Variants in ATP2B4 observed in about 807,000 individuals in gnomAD.
The protein encoded by ATP2B4 is plasma membrane calcium-transporting ATPase 4.
In ATP2B4, 39 loss-of-function variants were observed where a neutral mutation model predicts 110.3. That is an observed-to-expected ratio of 0.35 (90% CI 0.27 to 0.46). ATP2B4 has a LOEUF of 0.46. Ranked by LOEUF, ATP2B4 falls within the 20% of genes least tolerant of loss-of-function variation. ATP2B4 has a pLI of 1.00. For synonymous variants in ATP2B4, 538 were observed against 571.7 expected, an observed-to-expected ratio of 0.94 and a Z score of 0.84; for missense variants, 1,135 against 1,530.9, an observed-to-expected ratio of 0.74 and a Z score of 4.32.
intron 6 of ATP2B4, among the ~76,000 whole-genome samples, chr1:203,701,638 C>G (rs1334529542): frequency 6.6e-6 from 1 of 152,190 alleles, no homozygotes; most frequent in Non-Finnish European, 1.5e-5. Flanking sequence ...TCTGCAGCTG[C>G]CTGCAGATGA....
At chr1:203,686,856 G>T (rs1665208008) in intron 2 of ATP2B4, among the ~76,000 whole-genome samples, 1 of 151,566 alleles carries the variant, frequency 6.6e-6, no homozygotes, top group South Asian at 2.1e-4. Context: ...ACCACTCCCA[G>T]CTAGTTTTTT....
In ATP2B4 at chr1:203,666,116, A is replaced by G. The variant is rs146018470; in HGVS notation, c.-464-16626A>G. Among the ~76,000 whole-genome samples the G allele has an allele frequency of 7.8e-3, 1,191 of 152,330 alleles. 16 individuals carry two copies. Among genetic ancestry groups the G allele is most frequent in the African/African-American group, 0.027 (1,103 of 41,568 alleles). On this transcript the variant is annotated intron_variant, in intron 1 of 20. Transcript: ENST00000357681. ...GTGGTAATTAACCTACAGTGGTGCC[A>G]CAGTTGCTGCTTCTGGGTAGAGCAG...
At chr1:203,660,310 GCCT>G (rs1242077806) in intron 1 of ATP2B4, among the ~76,000 whole-genome samples, 1 of 152,140 alleles carries the variant, frequency 6.6e-6, no homozygotes, top group Non-Finnish European at 1.5e-5. Context: ...AGAGCTTTAG[GCCT>G]CAGTTCCTTC....
At chr1:203,683,480 C>T (rs1665078581) in intron 2 of ATP2B4, 82 bp downstream of exon 2, 4 of 1,412,830 alleles carry the variant, frequency 2.8e-6, no homozygotes, top group Middle Eastern at 2.2e-4. Context: ...CTAGAGAAGG[C>T]ACATTTCTGG....
intron 1 of ATP2B4, chr1:203,657,195 A>G (rs1571688666): frequency 5.3e-6 from 4 of 761,574 alleles, no homozygotes; most frequent in Non-Finnish European, 9.3e-6. Flanking sequence ...TCAGTTCAAG[A>G]TGTAATACAT....
intron 7 of ATP2B4, among the ~76,000 whole-genome samples, chr1:203,703,221 T>G (rs1050450733): frequency 6.6e-6 from 1 of 151,924 alleles, no homozygotes; most frequent in Non-Finnish European, 1.5e-5. Context: ...CAGAGCAATC[T>G]TGTGCTCCAG....
At chr1:203,639,082 G>A (rs576728118) in intron 1 of ATP2B4, among the ~76,000 whole-genome samples, 1 of 152,116 alleles carries the variant, frequency 6.6e-6, no homozygotes, top group Non-Finnish European at 1.5e-5. Context: ...TTTCCTCAGG[G>A]TGTGCCTCCT....
intron 20 of ATP2B4, among the ~76,000 whole-genome samples, chr1:203,731,109 C>CT (rs1314679946): frequency 6.6e-6 from 1 of 152,198 alleles, no homozygotes; most frequent in Non-Finnish European, 1.5e-5. Context: ...TCTACAGTCC[C>CT]TTCTTCCATG....
At chr1:203,662,781 C>T (rs540418150) in intron 1 of ATP2B4, among the ~76,000 whole-genome samples, 1 of 152,290 alleles carries the variant, frequency 6.6e-6, no homozygotes, top group East Asian at 1.9e-4. Flanking sequence ...AGAGAATAGC[C>T]TACTCTTTCC....
At chr1:203,650,568 G>C (rs1184492576) in intron 1 of ATP2B4, among the ~76,000 whole-genome samples, 1 of 152,220 alleles carries the variant, frequency 6.6e-6, no homozygotes, top group African/African-American at 2.4e-5. Flanking sequence ...CTGGTAGCCA[G>C]CTGAGCCCGG....
At position 203,739,911 on chromosome 1, in the gene ATP2B4, A is replaced by G. The variant is rs1666963209; in HGVS notation, c.*57A>G. ...ACCTATTTCCATTTTCGTCTATCCC[A>G]TCTATGAGGTGATGATGGGACTTTT... On this transcript the variant is annotated 3_prime_UTR_variant, in exon 21 of 21. Transcript: ENST00000357681. 2.0e-6 allele frequency: 3 copies of G among 1,527,738 alleles called. No individual in the cohort carries two copies. Among genetic ancestry groups the G allele is most frequent in the Non-Finnish European group, 8.8e-7 (1 of 1,130,368 alleles). 94.6% of individuals were successfully genotyped at this position (1,527,738 alleles called of 1,614,324 possible).
chr1:203,684,225 G>C (rs867949967), intron 2 of ATP2B4, among the ~76,000 whole-genome samples: 1 of 152,240 alleles, frequency 6.6e-6, no homozygotes. Context: ...GTTAGAAATG[G>C]GATGATAGGC....
chr1:203,720,921 CCTTAG>C (rs773561047), intron 16 of ATP2B4, among the ~76,000 whole-genome samples, 181 bp downstream of exon 16: 7 of 152,162 alleles, frequency 4.6e-5, no homozygotes, highest in Non-Finnish European at 1.0e-4. Context: ...AACTTACAGG[CCTTAG>C]CTTAGCACTT....
rs576707240 is a variant in ATP2B4, at chr1:203,691,942, C to T, written c.194-6215C>T. ...TGTTGCCCAGGCTGGAGTGCAGTGGCGCAATCTCAGCTCACTGCAAGCTCC... is the reference window on the plus strand; with the variant it reads ...TGTTGCCCAGGCTGGAGTGCAGTGGTGCAATCTCAGCTCACTGCAAGCTCC... On this transcript the variant is annotated intron_variant, in intron 2 of 20. Coordinates refer to ENST00000357681, the MANE Select transcript of ATP2B4 (RefSeq NM_001684.5). Among the ~76,000 whole-genome samples the T allele has an allele frequency of 1.6e-3, 236 of 151,886 alleles. 2 individuals carry two copies. Among genetic ancestry groups the T allele is most frequent in the African/African-American group, 5.4e-3 (225 of 41,402 alleles).
intron 2 of ATP2B4, among the ~76,000 whole-genome samples, chr1:203,687,948 T>TTAGG: frequency 6.6e-6 from 1 of 151,790 alleles, no homozygotes; most frequent in East Asian, 1.9e-4. Context: ...TGGTAAGAAC[T>TTAGG]TAGGTCATTT....
rs1199330095 is a variant in ATP2B4, at chr1:203,629,856, C to A, written c.-465+2637C>A. Among the ~76,000 whole-genome samples, 1 of 152,188 alleles carries A rather than the reference C, an allele frequency of 6.6e-6. No individual in the cohort carries two copies. The highest frequency in any genetic ancestry group is 1.5e-5 in the Non-Finnish European group (1 of 68,042). ...TACCCCTGGGACTCCCAGCGCCCAG[C>A]ACGGAGCCTGGGATGTTAGAGCGCT... On this transcript the variant is annotated intron_variant, in intron 1 of 20. Coordinates refer to ENST00000357681, the MANE Select transcript of ATP2B4 (RefSeq NM_001684.5). This position sits in a 1 kb window ranked among gnomAD's most constrained non-coding sequence, Gnocchi z 4.6.
At chr1:203,636,528 C>G (rs527601218) in intron 1 of ATP2B4, among the ~76,000 whole-genome samples, 1 of 152,222 alleles carries the variant, frequency 6.6e-6, no homozygotes, top group South Asian at 2.1e-4. Context: ...GGTGAGGGAG[C>G]CTGAAAGAGC....
Position 203,733,647 on chromosome 1 carries a change from T to C in ATP2B4, c.3310-5899T>C, listed in dbSNP as rs1666798323. On this transcript the variant is annotated intron_variant, in intron 20 of 20. Transcript: ENST00000357681. Reference sequence around the variant, plus strand: ...AAAGACAATAATTCTGTTTTCTGATTGTTCCTCTGCATTGCTCATTTCTTC... The same window carrying C: ...AAAGACAATAATTCTGTTTTCTGATCGTTCCTCTGCATTGCTCATTTCTTC... 7 of 441,756 alleles carry C rather than the reference T, an allele frequency of 1.6e-5. No homozygotes were observed. The South Asian group carries it at 3.1e-4, about 20-fold the overall frequency. The allele number at this position is 441,756 out of a possible 1,614,324, so 27.4% of individuals were successfully genotyped here.
intron 7 of ATP2B4, 84 bp downstream of exon 7, chr1:203,702,163 T>C: frequency 6.5e-7 from 1 of 1,531,542 alleles, no homozygotes; most frequent in East Asian, 2.3e-5. Context: ...TTCTCCCTTT[T>C]CCTCTCCATA....
Sources: allele counts gnomAD v4.1 joint callset (sites outside exome capture counted in the v4.1 genomes callset), GRCh38; gene constraint gnomAD v4.1.1; non-coding constraint Gnocchi (gnomAD v3.1); transcripts MANE v1.5; gene names NCBI Gene and HGNC (gene_info 2026-07-23, HGNC 2026-07-21).